GAS2: variants seen among roughly 807,000 people sequenced by gnomAD.
GAS2 encodes growth arrest specific 2.
Under a neutral mutation model 37.5 loss-of-function variants are expected in GAS2, and 20 were observed. The ratio of observed to expected loss-of-function variants is 0.53; its 90% confidence interval spans 0.37 to 0.77. The LOEUF (loss-of-function observed/expected upper bound fraction) is 0.77. Among genes scored for constraint, GAS2 ranks in the 30% least tolerant of loss-of-function variants. The pLI, the probability that GAS2 is intolerant of heterozygous loss-of-function variation, is 0.00. For missense variants in GAS2, 336 were observed against 373.4 expected, an observed-to-expected ratio of 0.90 and a Z score of 0.82; for synonymous variants, 144 against 132.2, an observed-to-expected ratio of 1.09 and a Z score of -0.61.
chr11:22,749,555 G>C (rs1212783262), intron 6 of GAS2, among the ~76,000 whole-genome samples: 1 of 151,924 alleles, frequency 6.6e-6, no homozygotes, highest in African/African-American at 2.4e-5. Context: ...TTTGTCACTG[G>C]ATCACCATTC....
intron 4 of GAS2, among the ~76,000 whole-genome samples, chr11:22,728,895 T>A (rs1320580218): frequency 6.6e-6 from 1 of 151,186 alleles, no homozygotes. Flanking sequence ...AATTATTCAT[T>A]GTGGGTGAGG....
At chr11:22,721,177 T>C (rs1306316963) in intron 3 of GAS2, among the ~76,000 whole-genome samples, 1 of 151,996 alleles carries the variant, frequency 6.6e-6, no homozygotes, top group Non-Finnish European at 1.5e-5. Flanking sequence ...CCTAGAGCAC[T>C]GAAGGCACTT....
chr11:22,804,239 A>T (rs567897500), intron 7 of GAS2, among the ~76,000 whole-genome samples: 2 of 152,258 alleles, frequency 1.3e-5, no homozygotes, highest in African/African-American at 2.4e-5. Flanking sequence ...AGAATATGTT[A>T]GAATGGCAAA....
chr11:22,694,141 C>T (rs1287384202), intron 3 of GAS2, among the ~76,000 whole-genome samples: 2 of 152,098 alleles, frequency 1.3e-5, no homozygotes, highest in African/African-American at 2.4e-5. Context: ...AACAAACCTG[C>T]ACTTGTACCC....
chr11:22,635,784 C>T (rs1333930035), intron 1 of GAS2, among the ~76,000 whole-genome samples: 1 of 152,222 alleles, frequency 6.6e-6, no homozygotes, highest in Admixed American at 6.5e-5. Flanking sequence ...CCTCTGTCCC[C>T]GGTGGAGTCT....
chr11:22,750,235 G>C (rs1438670945), intron 6 of GAS2, among the ~76,000 whole-genome samples: 1 of 152,042 alleles, frequency 6.6e-6, no homozygotes, highest in Non-Finnish European at 1.5e-5. Flanking sequence ...AAAAGGACTG[G>C]TGGTCCATAG....
At chr11:22,717,900 G>T (rs775048073) in intron 3 of GAS2, among the ~76,000 whole-genome samples, 5 of 152,102 alleles carry the variant, frequency 3.3e-5, no homozygotes, top group African/African-American at 9.7e-5. Context: ...TCAGGGAAAT[G>T]CAAATCAAAA....
chr11:22,811,926 C>A lies in GAS2; in HGVS notation c.852C>A (p.Ile284=). 1 of 1,614,096 alleles carries A rather than the reference C, an allele frequency of 6.2e-7. No homozygotes were observed. The highest frequency in any genetic ancestry group is 8.5e-7 in the Non-Finnish European group (1 of 1,179,990). The change falls in exon 8 of 8, where the codon ATC becomes ATA. Residue 284 remains isoleucine, a synonymous_variant. Transcript: ENST00000454584. ...GTGTGGATGGCAAAACATCCCCTAT[C>A]CAAAGCAAATCTCCAACTCTAAAGG... ...ISRVDGKTSP[I]QSKSPTLKDM...
At chr11:22,746,804 C>G (rs1276439143) in intron 5 of GAS2, among the ~76,000 whole-genome samples, 1 of 152,072 alleles carries the variant, frequency 6.6e-6, no homozygotes, top group Admixed American at 6.5e-5. Context: ...CAACATTATG[C>G]AATATACCCA....
At chr11:22,741,027 A>G (rs1034191084) in intron 5 of GAS2, among the ~76,000 whole-genome samples, 3 of 152,208 alleles carry the variant, frequency 2.0e-5, no homozygotes, top group Non-Finnish European at 4.4e-5. Flanking sequence ...TCCAGATTAC[A>G]TAAACATAAT....
chr11:22,812,038 G>A lies in GAS2; in HGVS notation c.*22G>A, dbSNP rs750976561. On this transcript the variant is annotated 3_prime_UTR_variant, in exon 8 of 8. Coordinates refer to ENST00000454584, the MANE Select transcript of GAS2 (RefSeq NM_001143830.3). ...GTGAAACAAATTGGTCATGACAAGGGGACCCTCATAATGGCCTGTATCCAC... is the reference window on the plus strand; with the variant it reads ...GTGAAACAAATTGGTCATGACAAGGAGACCCTCATAATGGCCTGTATCCAC... 2.5e-6 allele frequency: 4 copies of A among 1,575,850 alleles called. No individual in the cohort carries two copies. Among genetic ancestry groups the A allele is most frequent in the Non-Finnish European group, 3.5e-6 (4 of 1,145,654 alleles).
chr11:22,662,257 A>C (rs1284703040), upstream of GAS2, among the ~76,000 whole-genome samples: 1 of 152,248 alleles, frequency 6.6e-6, no homozygotes, highest in East Asian at 1.9e-4. Context: ...CATCTGTTTT[A>C]GTGAACTCTA....
At chr11:22,664,938 C>A (rs139311573), upstream of GAS2, among the ~76,000 whole-genome samples, 432 of 152,050 alleles carry the variant, frequency 2.8e-3, 2 homozygotes, top group African/African-American at 9.3e-3. Context: ...TTATTTATTT[C>A]TTCTCGTATT....
chr11:22,735,808 T>C (rs1216775422), intron 4 of GAS2, among the ~76,000 whole-genome samples: 3 of 151,856 alleles, frequency 2.0e-5, no homozygotes, highest in African/African-American at 7.2e-5. Flanking sequence ...TAACTAATAG[T>C]TTTTATATTT....
chr11:22,776,037 C>T (rs1274185925), intron 7 of GAS2, among the ~76,000 whole-genome samples: 2 of 152,152 alleles, frequency 1.3e-5, no homozygotes, highest in African/African-American at 2.4e-5. Flanking sequence ...TCCAGATGTA[C>T]GGCTGAGTTA....
chr11:22,634,148 G>C (rs142081436), intron 1 of GAS2, among the ~76,000 whole-genome samples: 1 of 152,274 alleles, frequency 6.6e-6, no homozygotes, highest in East Asian at 1.9e-4. Context: ...GAAGAGCAAA[G>C]GGATGTCTTA....
intron 6 of GAS2, chr11:22,755,592 C>G: frequency 3.1e-6 from 1 of 318,320 alleles, no homozygotes; most frequent in Non-Finnish European, 5.8e-6. Context: ...TGGTTTCCTG[C>G]TCATTATCCT....
intron 7 of GAS2, among the ~76,000 whole-genome samples, chr11:22,776,326 T>C (rs1278832559): frequency 6.6e-6 from 1 of 152,252 alleles, no homozygotes; most frequent in Non-Finnish European, 1.5e-5. Context: ...GTGGTGGCTG[T>C]GTTCCAATAA....
chr11:22,712,056 C>A (rs142445587), intron 3 of GAS2, among the ~76,000 whole-genome samples: 2 of 152,288 alleles, frequency 1.3e-5, no homozygotes, highest in East Asian at 3.9e-4. Flanking sequence ...TCCTTTCACT[C>A]TCTTTAAAGC....
Sources: allele counts gnomAD v4.1 joint callset (sites outside exome capture counted in the v4.1 genomes callset), GRCh38; gene constraint gnomAD v4.1.1; transcripts MANE v1.5; gene names NCBI Gene and HGNC (gene_info 2026-07-23, HGNC 2026-07-21).